HCN1: variants seen among roughly 807,000 people sequenced by gnomAD.
The protein encoded by HCN1 is potassium/sodium hyperpolarization-activated cyclic nucleotide-gated channel 1.
A neutral mutation model predicts 78.9 loss-of-function variants in HCN1; 13 were observed. The ratio of observed to expected loss-of-function variants is 0.16; its 90% confidence interval spans 0.11 to 0.26. The LOEUF (loss-of-function observed/expected upper bound fraction) is 0.26, where lower values mean the gene tolerates loss of function less well. Among genes scored for constraint, HCN1 ranks in the 10% least tolerant of loss-of-function variants. The pLI is 1.00. For synonymous variants in HCN1, 552 were observed against 455.5 expected (o/e 1.21, Z -2.70); for missense variants, 810 against 1,154.3 (o/e 0.70, Z 4.32).
intron 2 of HCN1, among the ~76,000 whole-genome samples, chr5:45,557,360 A>G (rs780453356): frequency 3.3e-5 from 5 of 152,198 alleles, no homozygotes; most frequent in East Asian, 1.9e-4. Flanking sequence ...TCAGTTGTCA[A>G]CTGCTTTTGT....
intron 2 of HCN1, among the ~76,000 whole-genome samples, chr5:45,599,006 C>A (rs901736935): frequency 2.6e-5 from 4 of 152,142 alleles, no homozygotes; most frequent in Admixed American, 6.6e-5. Context: ...CACAGTGTGG[C>A]GGTTCCTCAA....
chr5:45,624,531 G>C (rs528604847), intron 2 of HCN1, among the ~76,000 whole-genome samples: 1 of 152,140 alleles, frequency 6.6e-6, no homozygotes, highest in Non-Finnish European at 1.5e-5. Context: ...GTCACCACTT[G>C]CAAGGGCTAC....
At chr5:45,308,167 A>C (rs1745774534) in intron 5 of HCN1, among the ~76,000 whole-genome samples, 1 of 152,056 alleles carries the variant, frequency 6.6e-6, no homozygotes, top group Non-Finnish European at 1.5e-5. Flanking sequence ...CTCTCTCATC[A>C]TGTGACATGC....
intron 2 of HCN1, among the ~76,000 whole-genome samples, chr5:45,494,083 C>T (rs1407378239): frequency 3.9e-5 from 6 of 152,050 alleles, no homozygotes; most frequent in Non-Finnish European, 8.8e-5. Context: ...GTCTTTATAG[C>T]AGCATGATTT....
intron 5 of HCN1, among the ~76,000 whole-genome samples, chr5:45,323,736 C>A (rs1300888294): frequency 6.6e-6 from 1 of 151,878 alleles, no homozygotes; most frequent in Non-Finnish European, 1.5e-5. Context: ...CCACGACAGG[C>A]CCGGTGTGTG....
rs867302321 is a variant in HCN1 at position 45,349,136 on chromosome 5, C to T, written c.1377+3964G>A. ...ACATACTTGGAAGTAAAGCTCTCCT[C>T]AGCAAATGTAAAAGAACAGAAATTA... is the stretch of plus-strand genomic sequence containing the variant. On this transcript the variant is annotated intron_variant, in intron 5 of 7. Transcript: ENST00000303230. 6.6e-5 allele frequency among the ~76,000 whole-genome samples: 10 copies of T among 152,242 alleles called. No individual in the cohort carries two copies. The Middle Eastern group carries it at 0.014, about 207-fold the overall frequency.
At chr5:45,477,402 A>T (rs1741543010) in intron 2 of HCN1, among the ~76,000 whole-genome samples, 1 of 152,132 alleles carries the variant, frequency 6.6e-6, no homozygotes, top group South Asian at 2.1e-4. Context: ...ATGTGCGTTG[A>T]GAAATAATAG....
chr5:45,457,330 T>C (rs57812668), intron 3 of HCN1, among the ~76,000 whole-genome samples: 363 of 152,242 alleles, frequency 2.4e-3, no homozygotes, highest in African/African-American at 8.2e-3. Context: ...CCCAATCTTG[T>C]TTATAATGAT....
chr5:45,289,110 C>T (rs1745323348), intron 6 of HCN1, among the ~76,000 whole-genome samples: 1 of 151,966 alleles, frequency 6.6e-6, no homozygotes, highest in Non-Finnish European at 1.5e-5. Context: ...AACCTAAATA[C>T]CTCACAATGA....
intron 2 of HCN1, among the ~76,000 whole-genome samples, chr5:45,497,684 A>G (rs1415151079): frequency 6.6e-6 from 1 of 151,958 alleles, no homozygotes; most frequent in Non-Finnish European, 1.5e-5. Flanking sequence ...TTTTAATTGG[A>G]GCATTTAGTA....
intron 5 of HCN1, among the ~76,000 whole-genome samples, chr5:45,336,271 T>G (rs965815410): frequency 6.6e-6 from 1 of 152,092 alleles, no homozygotes; most frequent in African/African-American, 2.4e-5. Flanking sequence ...AGATTAGAGA[T>G]AATGAATATA....
At chr5:45,657,214 C>G (rs1438685459) in intron 1 of HCN1, among the ~76,000 whole-genome samples, 5 of 152,064 alleles carry the variant, frequency 3.3e-5, no homozygotes, top group Non-Finnish European at 7.4e-5. Context: ...GCAGAACTGC[C>G]AGTATAGTGA....
intron 4 of HCN1, among the ~76,000 whole-genome samples, chr5:45,374,038 A>T (rs1202768879): frequency 1.3e-3 from 114 of 89,354 alleles, no homozygotes; most frequent in African/African-American, 5.0e-3. Context: ...TTATATACAT[A>T]ATATATATTA....
At chr5:45,410,734 T>C (rs1457677019) in intron 3 of HCN1, among the ~76,000 whole-genome samples, 2 of 152,080 alleles carry the variant, frequency 1.3e-5, no homozygotes, top group African/African-American at 2.4e-5. Flanking sequence ...TCCCCTGCTG[T>C]GTAAGCCTGT....
At chr5:45,268,229 T>C (rs1175512163) in intron 6 of HCN1, among the ~76,000 whole-genome samples, 2 of 152,224 alleles carry the variant, frequency 1.3e-5, no homozygotes, top group African/African-American at 2.4e-5. Context: ...TTCCAAAATA[T>C]GGTAAACAAA....
At chr5:45,492,392 A>AATAT (rs35781186) in intron 2 of HCN1, among the ~76,000 whole-genome samples, 9,874 of 121,078 alleles carry the variant, frequency 0.082, 433 homozygotes, top group East Asian at 0.15. Flanking sequence ...TCTTTAAATG[A>AATAT]ATATATATAT....
At position 45,330,352 on chromosome 5, in the gene HCN1, T is replaced by G. The variant is rs538168616; in HGVS notation, c.1377+22748A>C. ...AGGAAATTGTGGATATATCAACAGTTTGTTGGAACATTAAACCTTATTTTT... is the reference window on the plus strand; with the variant it reads ...AGGAAATTGTGGATATATCAACAGTGTGTTGGAACATTAAACCTTATTTTT... On this transcript the variant is annotated intron_variant, in intron 5 of 7. Transcript: ENST00000303230. Among the ~76,000 whole-genome samples the G allele has an allele frequency of 4.6e-5, 7 of 151,264 alleles. No homozygotes were observed. In the South Asian group the frequency reaches 1.0e-3, roughly 22 times the overall value.
chr5:45,338,758 G>A (rs1746515531), intron 5 of HCN1, among the ~76,000 whole-genome samples: 1 of 152,112 alleles, frequency 6.6e-6, no homozygotes, highest in Non-Finnish European at 1.5e-5. Flanking sequence ...CTTGAATGTA[G>A]TAGGTACATA....
chr5:45,370,136 T>C (rs1261537136), intron 4 of HCN1, among the ~76,000 whole-genome samples: 1 of 152,006 alleles, frequency 6.6e-6, no homozygotes, highest in Non-Finnish European at 1.5e-5. Flanking sequence ...TAATGGAGTA[T>C]GTTAAACTAC....
Sources: gnomAD v4.1 joint callset for allele counts (sites outside exome capture counted in the v4.1 genomes callset) on GRCh38, gnomAD v4.1.1 for gene constraint, MANE v1.5 for transcripts, NCBI Gene and HGNC (gene_info 2026-07-23, HGNC 2026-07-21) for gene names.